Variants in COMTD1 observed in about 807,000 individuals in gnomAD.
COMTD1 encodes the protein catechol O-methyltransferase domain-containing protein 1.
COMTD1 carries 35 observed loss-of-function variants against 33.6 expected under a neutral mutation model. The ratio of observed to expected loss-of-function variants is 1.04; its 90% CI spans 0.80 to 1.38. The LOEUF is 1.38. COMTD1 is among the 40% of genes most tolerant of loss of function. The pLI is 0.00. For missense variants in COMTD1, 370 were observed against 363.4 expected (o/e 1.02, Z -0.15); for synonymous variants, 160 against 176.8 (o/e 0.91, Z 0.75).
rs953357301 is a variant in COMTD1, at chr10:75,234,628, G to A, written c.618C>T (p.Gly206=). 6.4e-7 allele frequency: 1 copy of A among 1,564,478 alleles called. No individual in the cohort carries two copies. Among genetic ancestry groups the A allele is most frequent in the Admixed American group, 1.9e-5 (1 of 53,104 alleles). The change falls in exon 6 of 7, where the codon GGC becomes GGT. Residue 206 remains glycine, a synonymous_variant. Coordinates refer to ENST00000372538, the MANE Select transcript of COMTD1 (RefSeq NM_144589.4). ...ERCLQLLRPG[G]ILAVLRVLWR... ...CCCTTACTCTGAGGACGGCGAGGATGCCTCCGGGTCGCAGCAGCTGCAGGC... is the reference window on the plus strand; with the variant it reads ...CCCTTACTCTGAGGACGGCGAGGATACCTCCGGGTCGCAGCAGCTGCAGGC...
Position 75,234,214 on chromosome 10 carries a change from G to GC in COMTD1, c.647dup (p.Gly217ArgfsTer84). ...CTTTCGGAGGTTGCAGCACCTTCCCGCGCCACAGGACCTGCGGGAGGGCGG... is the reference window on the plus strand; with the variant it reads ...CTTTCGGAGGTTGCAGCACCTTCCCGCCGCCACAGGACCTGCGGGAGGGCGG... On this transcript the variant is annotated frameshift_variant, in exon 7 of 7. Coordinates refer to ENST00000372538, the MANE Select transcript of COMTD1 (RefSeq NM_144589.4). LOFTEE classifies it high-confidence loss of function. The GC allele has an allele frequency of 2.5e-6, 4 of 1,611,616 alleles. No individual in the cohort carries two copies. Among genetic ancestry groups the GC allele is most frequent in the Non-Finnish European group, 2.5e-6 (3 of 1,179,782 alleles).
At chr10:75,235,454 C>T in intron 2 of COMTD1, 82 bp from the exon 3 acceptor site, 1 of 1,352,520 alleles carries the variant, frequency 7.4e-7, no homozygotes, top group Non-Finnish European at 9.8e-7. Flanking sequence ...GGGCGCGGTT[C>T]TGGGCGTGGC....
In COMTD1 at chr10:75,233,839, CT is replaced by C; in HGVS notation, c.*233del. On this transcript the variant is annotated 3_prime_UTR_variant, in exon 7 of 7. Transcript: ENST00000372538. ...CCTGCCTCCTGCCAGCTGGAGGTTC[CT>C]GCAGTTGGGCCACAGACCTGGCGCC... 9.1e-7 allele frequency: 1 copy of C among 1,095,474 alleles called. No individual in the cohort carries two copies. Among genetic ancestry groups the C allele is most frequent in the Non-Finnish European group, 1.3e-6 (1 of 796,804 alleles). 67.9% of individuals were successfully genotyped at this position (1,095,474 alleles called of 1,614,324 possible).
Position 75,235,841 on chromosome 10 carries a change from A to G in COMTD1, c.88T>C (p.Phe30Leu), listed in dbSNP as rs1036057438. The G allele has an allele frequency of 3.3e-6, 5 of 1,525,358 alleles. No homozygotes were observed. Among genetic ancestry groups the G allele is most frequent in the Admixed American group, 4.0e-5 (2 of 50,466 alleles). The allele number at this position is 1,525,358 out of a possible 1,614,324, so 94.5% of individuals were successfully genotyped here. A position where few individuals can be genotyped will look rare whatever the true frequency, so the allele number is the denominator to read the frequency against. ...ALGAAFATGL[F>L]LGRRCPPWRG... Reference sequence around the variant, plus strand: ...GGGACCAGGTCCTGCTCACCCAGGAAGAGGCCAGTGGCGAAGGCGGCGCCC... The same window carrying G: ...GGGACCAGGTCCTGCTCACCCAGGAGGAGGCCAGTGGCGAAGGCGGCGCCC... The change falls in exon 1 of 7, where the codon TTC becomes CTC. Residue 30 changes from phenylalanine to leucine, a missense_variant. Physicochemically the swap from Phe to Leu is conservative, Grantham distance 22 (BLOSUM62 0). Transcript: ENST00000372538.
rs555179316 is a variant in COMTD1 at position 75,235,120 on chromosome 10, G to A, written c.387C>T (p.Arg129=). The change falls in exon 4 of 7, where the codon CGC becomes CGT. Residue 129 remains arginine (R), a synonymous_variant. Coordinates refer to ENST00000372538, the MANE Select transcript of COMTD1 (RefSeq NM_144589.4). ...ALALALPADG[R]VVTCEVDAQP... ...GCGCGTCCACCTCGCAGGTCACCACGCGCCCGTCCGCGGGCAGCGCCAGGG... is the reference window on the plus strand; with the variant it reads ...GCGCGTCCACCTCGCAGGTCACCACACGCCCGTCCGCGGGCAGCGCCAGGG... 50 of 1,402,958 alleles carry A rather than the reference G, an allele frequency of 3.6e-5. 1 individual carries two copies. Among genetic ancestry groups the A allele is most frequent in the East Asian group, 3.5e-4 (12 of 34,618 alleles). 86.9% of individuals were successfully genotyped at this position (1,402,958 alleles called of 1,614,324 possible). A position where few individuals can be genotyped will look rare whatever the true frequency, so the allele number is the denominator to read the frequency against.
chr10:75,234,183 C>A lies in COMTD1; in HGVS notation c.679G>T (p.Val227Leu), dbSNP rs1426021146. 3 of 1,613,510 alleles carry A rather than the reference C, an allele frequency of 1.9e-6. No homozygotes were observed. In the South Asian group the frequency reaches 3.3e-5, roughly 18 times the overall value. The stretch of plus-strand genomic sequence containing the variant: ...AGGTTTCGCACACACTCGGCCGCCA[C>A]GTCCCCTTTCGGAGGTTGCAGCACC... ...GKVLQPPKGDVAAECVRNLNE... is the reference protein window; with the variant it reads ...GKVLQPPKGDLAAECVRNLNE... The change falls in exon 7 of 7, where the codon GTG (valine) becomes TTG (leucine). Residue 227 changes from valine to leucine, a missense_variant. Transcript: ENST00000372538.
chr10:75,234,299 G>T, intron 6 of COMTD1, 74 bp from the exon 7 acceptor site: 1 of 1,459,110 alleles, frequency 6.9e-7, no homozygotes, highest in Non-Finnish European at 9.3e-7. Flanking sequence ...GAAGGCGGGG[G>T]ACTGGGAGGG....
chr10:75,235,218 G>T, intron 3 of COMTD1, 40 bp from the exon 4 acceptor site: 1 of 1,465,576 alleles, frequency 6.8e-7, no homozygotes, highest in Non-Finnish European at 9.0e-7. Context: ...CAGAGTGGGG[G>T]TCGGCCCGGA....
chr10:75,234,328 C>T, intron 6 of COMTD1, 103 bp from the exon 7 acceptor site: 2 of 995,358 alleles, frequency 2.0e-6, no homozygotes, highest in Non-Finnish European at 1.3e-6. Flanking sequence ...GGGCGGGAGG[C>T]GGGGTCTTGG....
chr10:75,234,312 G>T, intron 6 of COMTD1, 87 bp from the exon 7 acceptor site: 1 of 1,386,080 alleles, frequency 7.2e-7, no homozygotes, highest in Non-Finnish European at 9.8e-7. Context: ...TGGGAGGGAG[G>T]TGCCCGGGCG....
rs752568725 is a variant in COMTD1, at chr10:75,235,254, C to T, written c.328+13G>A. On this transcript the variant is annotated intron_variant, in intron 3 of 6. Transcript: ENST00000372538. ...AACCTCGGCCCTCCGGGATCCCGGC[C>T]GCGTGCCCCTACCCAGGTCCAGCGC... The T allele has an allele frequency of 1.6e-5, 24 of 1,513,578 alleles. No homozygotes were observed. The highest frequency in any genetic ancestry group is 2.0e-5 in the Non-Finnish European group (23 of 1,133,010). The allele number at this position is 1,513,578 out of a possible 1,614,324, so 93.8% of individuals were successfully genotyped here.
Position 75,235,639 on chromosome 10 carries a change from G to T in COMTD1, c.199C>A (p.Pro67Thr). ...YLLSRSMREHPALRSLRLLTL... is the reference protein window; with the variant it reads ...YLLSRSMREHTALRSLRLLTL... ...ACCAGCCTCAGGCTTCGCAGCGCCGGGTGCTCCCGCATGGAGCGGCTCAGA... is the reference window on the plus strand; with the variant it reads ...ACCAGCCTCAGGCTTCGCAGCGCCGTGTGCTCCCGCATGGAGCGGCTCAGA... Residue 67 changes from proline (P) to threonine (T), a missense_variant, in exon 2 of 7, where the codon CCG becomes ACG. Physicochemically the swap from Pro to Thr is conservative, Grantham distance 38. Transcript: ENST00000372538. 1 of 1,594,762 alleles carries T rather than the reference G, an allele frequency of 6.3e-7. No homozygotes were observed. The highest frequency in any genetic ancestry group is 8.5e-7 in the Non-Finnish European group (1 of 1,172,562).
rs957459476 is a variant in COMTD1, at chr10:75,235,198, G to A, written c.329-20C>T. 9.8e-6 allele frequency: 14 copies of A among 1,433,034 alleles called. No individual in the cohort carries two copies. The highest frequency in any genetic ancestry group is 3.0e-5 in the African/African-American group (2 of 67,382). The allele number at this position is 1,433,034 out of a possible 1,614,324, so 88.8% of individuals were successfully genotyped here. On this transcript the variant is annotated intron_variant, in intron 3 of 6. Transcript: ENST00000372538. ...AGGTGCCTGGGACCAGGACACAGAC[G>A]GGCTCAGCCCAGAGTGGGGGTCGGC...
chr10:75,234,009 C>A lies in COMTD1; in HGVS notation c.*64G>T. 1.2e-6 allele frequency: 2 copies of A among 1,612,278 alleles called. No homozygotes were observed. The highest frequency in any genetic ancestry group is 8.5e-7 in the Non-Finnish European group (1 of 1,179,820). On this transcript the variant is annotated 3_prime_UTR_variant, in exon 7 of 7. Transcript: ENST00000372538. ...CCCCACTTTATTTTCGAATTTAAAA[C>A]TCAGGGTCAATTCCTGGGGTTCCCA...
chr10:75,235,694 G>A lies in COMTD1; in HGVS notation c.144C>T (p.Pro48=), dbSNP rs902073424. Residue 48 remains proline (P), a synonymous_variant, in exon 2 of 7, where the codon CCC becomes CCT. Transcript: ENST00000372538. ...WRGRREQCLL[P]PEDSRLWQYL... is the part of the protein sequence containing the mutation. ...ACTGCCACAGGCGGCTGTCCTCGGG[G>A]GGAAGCAGGCACTGCTCTCGCCGGC... The A allele has an allele frequency of 6.3e-7, 1 of 1,598,102 alleles. No individual in the cohort carries two copies. Among genetic ancestry groups the A allele is most frequent in the Admixed American group, 1.7e-5 (1 of 58,422 alleles).
Position 75,235,101 on chromosome 10 carries a change from C to T in COMTD1, c.406G>A (p.Asp136Asn), listed in dbSNP as rs1842170235. The T allele has an allele frequency of 1.4e-6, 2 of 1,407,490 alleles. No homozygotes were observed. Among genetic ancestry groups the T allele is most frequent in the South Asian group, 3.2e-5 (2 of 63,334 alleles). 87.2% of individuals were successfully genotyped at this position (1,407,490 alleles called of 1,614,324 possible). A position where few individuals can be genotyped will look rare whatever the true frequency, so the allele number is the denominator to read the frequency against. The change falls in exon 4 of 7, where the codon GAC becomes AAC. Residue 136 changes from aspartate to asparagine, a missense_variant. Transcript: ENST00000372538. ...CGTCCCAGCTCCGGGGGCTGCGCGT[C>T]CACCTCGCAGGTCACCACGCGCCCG... ...ADGRVVTCEV[D>N]AQPPELGRPL...
chr10:75,235,353 T>A lies in COMTD1; in HGVS notation c.242A>T (p.Gln81Leu). 1 of 1,581,840 alleles carries A rather than the reference T, an allele frequency of 6.3e-7. No homozygotes were observed. The highest frequency in any genetic ancestry group is 8.6e-7 in the Non-Finnish European group (1 of 1,167,314). The change falls in exon 3 of 7, where the codon CAG (glutamine) becomes CTG (leucine). Residue 81 changes from glutamine to leucine, a missense_variant. Physicochemically the swap from Gln to Leu is moderately radical, Grantham distance 113. Transcript: ENST00000372538. ...CTCGCAGGTCATCATAGAATCCCCC[T>A]GCGGCTGCTCCAGGGTCAGCTGCGT... ...SLRLLTLEQP[Q>L]GDSMMTCEQA...
At position 75,235,379 on chromosome 10, in the gene COMTD1, G is replaced by T. The variant is rs2132294198; in HGVS notation, c.223-7C>A. 2 of 1,547,960 alleles carry T rather than the reference G, an allele frequency of 1.3e-6. No homozygotes were observed. Among genetic ancestry groups the T allele is most frequent in the Non-Finnish European group, 8.7e-7 (1 of 1,148,660 alleles). ...GCGGCTGCTCCAGGGTCAGCTGCGTGAAAGGAGAGGGTGGCACCAGCCATG... is the reference window on the plus strand; with the variant it reads ...GCGGCTGCTCCAGGGTCAGCTGCGTTAAAGGAGAGGGTGGCACCAGCCATG... On this transcript the variant is annotated splice_polypyrimidine_tract_variant and splice_region_variant and intron_variant, in intron 2 of 6. Coordinates refer to ENST00000372538, the MANE Select transcript of COMTD1 (RefSeq NM_144589.4).
Position 75,233,828 on chromosome 10 carries a change from G to T in COMTD1, c.*245C>A. The stretch of plus-strand genomic sequence containing the variant: ...AAACTTTATAACCTGCCTCCTGCCA[G>T]CTGGAGGTTCCTGCAGTTGGGCCAC... On this transcript the variant is annotated 3_prime_UTR_variant, in exon 7 of 7. Transcript: ENST00000372538. The T allele has an allele frequency of 1.0e-6, 1 of 964,696 alleles. No homozygotes were observed. The highest frequency in any genetic ancestry group is 1.5e-6 in the Non-Finnish European group (1 of 680,534). The allele number at this position is 964,696 out of a possible 1,614,324, so 59.8% of individuals were successfully genotyped here.
Sources: allele counts gnomAD v4.1 joint callset, GRCh38; gene constraint gnomAD v4.1.1; transcripts MANE v1.5; gene names NCBI Gene and HGNC (gene_info 2026-07-23, HGNC 2026-07-21).